ZCCHC7: variants seen among roughly 807,000 people sequenced by gnomAD.
The protein encoded by ZCCHC7 is zinc finger CCHC domain-containing protein 7.
ZCCHC7 carries 35 observed loss-of-function variants against 52.0 expected under a neutral mutation model. That is an observed-to-expected ratio of 0.67 (90% CI 0.51 to 0.89). The LOEUF is 0.89. ZCCHC7 is among the 40% of genes least tolerant of loss of function. The pLI is 0.00. For synonymous variants in ZCCHC7, 217 were observed against 221.5 expected, an observed-to-expected ratio of 0.98 and a Z score of 0.18; for missense variants, 574 against 649.1, an observed-to-expected ratio of 0.88 and a Z score of 1.26.
chr9:37,325,724 ATAAG>A (rs535278038), intron 5 of ZCCHC7, among the ~76,000 whole-genome samples: 9 of 152,212 alleles, frequency 5.9e-5, no homozygotes, highest in African/African-American at 1.2e-4. Context: ...TCAAATATAA[ATAAG>A]TATTACAAAA....
upstream of ZCCHC7, chr9:37,120,430 C>T: frequency 2.5e-6 from 1 of 395,466 alleles, no homozygotes; most frequent in Non-Finnish European, 4.5e-6. Context: ...TTCGCACCCA[C>T]TACGCATGCG....
rs185302829 is a variant in ZCCHC7 at position 37,307,289 on chromosome 9, A to G, written c.951+1575A>G. ...AGCAAATACAGCTTTGATGTGGAAT[A>G]TGTAGTTTTCTACATTCAGTTTACC... On this transcript the variant is annotated intron_variant, in intron 5 of 8. Coordinates refer to ENST00000336755, the MANE Select transcript of ZCCHC7 (RefSeq NM_032226.3). 4.1e-4 allele frequency among the ~76,000 whole-genome samples: 62 copies of G among 152,322 alleles called. No individual in the cohort carries two copies. In the East Asian group the frequency reaches 5.0e-3, roughly 12 times the overall value.
At chr9:37,198,885 GAATT>G (rs1310281033) in intron 2 of ZCCHC7, among the ~76,000 whole-genome samples, 3 of 152,068 alleles carry the variant, frequency 2.0e-5, no homozygotes, top group African/African-American at 7.2e-5. Context: ...TTTTTGCATT[GAATT>G]AATTGATGAT....
At chr9:37,170,621 A>T (rs1479605377) in intron 2 of ZCCHC7, among the ~76,000 whole-genome samples, 2 of 152,202 alleles carry the variant, frequency 1.3e-5, no homozygotes, top group African/African-American at 4.8e-5. Context: ...ATGCCAATGA[A>T]ACCAAATGGT....
At chr9:37,222,264 G>A (rs1404836262) in intron 2 of ZCCHC7, among the ~76,000 whole-genome samples, 1 of 149,976 alleles carries the variant, frequency 6.7e-6, no homozygotes, top group Non-Finnish European at 1.5e-5. Context: ...TAAATTTGAT[G>A]ATAAGCTTAT....
At chr9:37,155,672 A>G (rs1157744077) in intron 2 of ZCCHC7, among the ~76,000 whole-genome samples, 2 of 152,194 alleles carry the variant, frequency 1.3e-5, no homozygotes, top group African/African-American at 4.8e-5. Flanking sequence ...TAATTTTGAA[A>G]GTTTCTTGTT....
intron 6 of ZCCHC7, among the ~76,000 whole-genome samples, chr9:37,328,576 T>C (rs565358315): frequency 8.0e-4 from 122 of 152,064 alleles, no homozygotes; most frequent in African/African-American, 2.6e-3. Context: ...ACCATTATTC[T>C]TTTAATTATT....
chr9:37,169,091 TAACCTTCCCAGTAA>T (rs1821588323), intron 2 of ZCCHC7, among the ~76,000 whole-genome samples: 1 of 152,212 alleles, frequency 6.6e-6, no homozygotes, highest in African/African-American at 2.4e-5. Context: ...GCAATAATCT[TAACCTTCCCAGTAA>T]ATGAACTGGA....
chr9:37,176,899 A>G (rs1277384688), intron 2 of ZCCHC7, among the ~76,000 whole-genome samples: 1 of 152,206 alleles, frequency 6.6e-6, no homozygotes, highest in African/African-American at 2.4e-5. Flanking sequence ...GTAGCAGTCA[A>G]TATATAGAGA....
At chr9:37,282,475 G>A (rs1291573337) in intron 2 of ZCCHC7, among the ~76,000 whole-genome samples, 3 of 151,586 alleles carry the variant, frequency 2.0e-5, no homozygotes, top group Non-Finnish European at 4.4e-5. Context: ...CGTGGTGGTG[G>A]GTGCCTGTAG....
At chr9:37,150,977 T>G (rs193121582) in intron 2 of ZCCHC7, among the ~76,000 whole-genome samples, 1 of 150,476 alleles carries the variant, frequency 6.6e-6, no homozygotes, top group Admixed American at 6.6e-5. Context: ...TTTTTTTTTT[T>G]TTTTTGAGAC....
chr9:37,251,668 C>T (rs1311790914), intron 2 of ZCCHC7, among the ~76,000 whole-genome samples: 1 of 152,186 alleles, frequency 6.6e-6, no homozygotes, highest in Non-Finnish European at 1.5e-5. Flanking sequence ...TTCAGAGTGA[C>T]GGGCCCACAG....
At chr9:37,199,874 T>C (rs1172327125) in intron 2 of ZCCHC7, among the ~76,000 whole-genome samples, 1 of 151,470 alleles carries the variant, frequency 6.6e-6, no homozygotes, top group Non-Finnish European at 1.5e-5. Context: ...CCGGCTAATT[T>C]TTTGTATTTT....
intron 8 of ZCCHC7, among the ~76,000 whole-genome samples, chr9:37,355,240 GGCCACC>G (rs2118701053): frequency 6.6e-6 from 1 of 152,222 alleles, no homozygotes; most frequent in East Asian, 1.9e-4. Flanking sequence ...ATTTGTTAGA[GGCCACC>G]GCTGCAAGCA....
chr9:37,268,620 G>T (rs1049241411), intron 2 of ZCCHC7, among the ~76,000 whole-genome samples: 9 of 152,138 alleles, frequency 5.9e-5, no homozygotes, highest in East Asian at 5.8e-4. Context: ...TAGAGACGGG[G>T]TTTCACCGTG....
intron 2 of ZCCHC7, among the ~76,000 whole-genome samples, chr9:37,286,259 T>A (rs1828202889): frequency 6.6e-6 from 1 of 152,184 alleles, no homozygotes; most frequent in Non-Finnish European, 1.5e-5. Flanking sequence ...AGATTTTTGG[T>A]ATTAAATCAA....
Position 37,357,480 on chromosome 9 carries a change from A to G in ZCCHC7, c.*212A>G, listed in dbSNP as rs1364501025. The G allele has an allele frequency of 2.7e-6, 1 of 369,098 alleles. No individual in the cohort carries two copies. The highest frequency in any genetic ancestry group is 2.1e-5 in the African/African-American group (1 of 47,790). 22.9% of individuals were successfully genotyped at this position (369,098 alleles called of 1,614,324 possible). On this transcript the variant is annotated 3_prime_UTR_variant, in exon 9 of 9. Transcript: ENST00000336755. Reference sequence around the variant, plus strand: ...ATTAGGTAAGAAAGTACAAAGATAAACCTGGACTTCTCCTATTCCAATATG... The same window carrying G: ...ATTAGGTAAGAAAGTACAAAGATAAGCCTGGACTTCTCCTATTCCAATATG...
At chr9:37,150,971 T>C (rs1197597268) in intron 2 of ZCCHC7, among the ~76,000 whole-genome samples, 1 of 146,682 alleles carries the variant, frequency 6.8e-6, no homozygotes, top group South Asian at 2.1e-4. Flanking sequence ...TTTTTGTTTT[T>C]TTTTTTTTTT....
intron 2 of ZCCHC7, among the ~76,000 whole-genome samples, chr9:37,191,712 T>G (rs919829030): frequency 6.6e-6 from 1 of 152,248 alleles, no homozygotes; most frequent in Admixed American, 6.5e-5. Context: ...CCTCTGTTAA[T>G]GAACGCAAAC....
Sources: allele counts gnomAD v4.1 joint callset (sites outside exome capture counted in the v4.1 genomes callset), GRCh38; gene constraint gnomAD v4.1.1; transcripts MANE v1.5; gene names NCBI Gene and HGNC (gene_info 2026-07-23, HGNC 2026-07-21).